KIAA1217: variants seen among roughly 807,000 people sequenced by gnomAD.
KIAA1217 encodes the protein sickle tail protein homolog.
KIAA1217 carries 88 observed loss-of-function variants against 163.9 expected under a neutral mutation model. The ratio of observed to expected loss-of-function variants is 0.54; its 90% confidence interval spans 0.45 to 0.64. The LOEUF is 0.64. Among genes scored for constraint, KIAA1217 ranks in the 30% least tolerant of loss-of-function variants. KIAA1217 has a pLI of 0.00. For missense variants in KIAA1217, 2,372 were observed against 2,475.0 expected (o/e 0.96, Z 0.88); for synonymous variants, 903 against 923.1 (o/e 0.98, Z 0.39).
intron 1 of KIAA1217, among the ~76,000 whole-genome samples, chr10:23,960,241 G>A (rs114731114): frequency 0.014 from 2,152 of 151,310 alleles, 54 homozygotes; most frequent in African/African-American, 0.05. Context: ...TTCCTGCAGG[G>A]GAGAAGGGAA....
At chr10:24,217,692 T>C (rs1264517968) in intron 1 of KIAA1217, among the ~76,000 whole-genome samples, 1 of 152,218 alleles carries the variant, frequency 6.6e-6, no homozygotes, top group Admixed American at 6.5e-5. Flanking sequence ...TTAACACCTG[T>C]TGCTTTGCAA....
intron 2 of KIAA1217, among the ~76,000 whole-genome samples, chr10:24,267,610 G>A (rs1409204688): frequency 6.6e-6 from 1 of 152,166 alleles, no homozygotes; most frequent in Non-Finnish European, 1.5e-5. Flanking sequence ...ACCATGCCTG[G>A]CCCCAAGAAG....
intron 2 of KIAA1217, among the ~76,000 whole-genome samples, chr10:24,233,900 C>A (rs900060691): frequency 6.6e-6 from 1 of 152,138 alleles, no homozygotes; most frequent in African/African-American, 2.4e-5. Context: ...TTTCTCCCTG[C>A]GTTCCTAAGA....
At chr10:23,895,862 A>C (rs1220967469) in intron 1 of KIAA1217, among the ~76,000 whole-genome samples, 1 of 151,682 alleles carries the variant, frequency 6.6e-6, no homozygotes, top group Non-Finnish European at 1.5e-5. Flanking sequence ...TGAAATTGGA[A>C]ATCATCATTC....
At chr10:23,755,018 C>T (rs755429070) in intron 1 of KIAA1217, among the ~76,000 whole-genome samples, 12 of 151,740 alleles carry the variant, frequency 7.9e-5, no homozygotes, top group African/African-American at 1.9e-4. Context: ...AAATACAAAC[C>T]GAATTTCATC....
At chr10:23,798,579 CT>C (rs1836318595) in intron 1 of KIAA1217, among the ~76,000 whole-genome samples, 1 of 152,100 alleles carries the variant, frequency 6.6e-6, no homozygotes, top group Admixed American at 6.6e-5. Flanking sequence ...TTTTGTTTTG[CT>C]GTGAATCAAT....
intron 1 of KIAA1217, among the ~76,000 whole-genome samples, chr10:23,803,495 C>T (rs181140638): frequency 2.0e-5 from 3 of 152,290 alleles, no homozygotes; most frequent in East Asian, 1.9e-4. Flanking sequence ...CTTATGAGAT[C>T]GGCTGAGGTT....
At chr10:24,535,424 T>C (rs1013312975) in intron 16 of KIAA1217, among the ~76,000 whole-genome samples, 12 of 152,174 alleles carry the variant, frequency 7.9e-5, no homozygotes, top group Admixed American at 3.9e-4. Context: ...TATCTCCAAA[T>C]GACAACATTT....
At chr10:24,061,340 G>T (rs560623763) in intron 2 of KIAA1217, among the ~76,000 whole-genome samples, 3 of 151,878 alleles carry the variant, frequency 2.0e-5, no homozygotes, top group African/African-American at 4.8e-5. Context: ...TATTTATATT[G>T]TATATCCATT....
intron 1 of KIAA1217, among the ~76,000 whole-genome samples, chr10:23,770,338 T>C (rs984384467): frequency 6.6e-5 from 10 of 152,238 alleles, no homozygotes; most frequent in African/African-American, 2.4e-4. Context: ...AACTTCATGC[T>C]TGCTATCTCT....
intron 2 of KIAA1217, among the ~76,000 whole-genome samples, chr10:24,061,577 G>A (rs991061969): frequency 2.6e-5 from 4 of 152,094 alleles, no homozygotes; most frequent in East Asian, 1.9e-4. Context: ...GCAGGTAAGC[G>A]GTGATAAACT....
intron 17 of KIAA1217, among the ~76,000 whole-genome samples, chr10:24,541,334 G>A (rs1259115054): frequency 5.9e-5 from 9 of 151,916 alleles, no homozygotes; most frequent in African/African-American, 2.4e-5. Context: ...GCTTCCTGGG[G>A]AGCAAGCAGA....
At chr10:24,331,504 G>A (rs1055199766) in intron 2 of KIAA1217, among the ~76,000 whole-genome samples, 3 of 152,234 alleles carry the variant, frequency 2.0e-5, no homozygotes, top group Non-Finnish European at 4.4e-5. Flanking sequence ...TAGTAATTAT[G>A]ACTTAATGAA....
chr10:23,704,269 C>T (rs1251945376), intron 1 of KIAA1217, among the ~76,000 whole-genome samples: 2 of 129,384 alleles, frequency 1.5e-5, no homozygotes, highest in Non-Finnish European at 3.2e-5. Flanking sequence ...TTTTTCTTTC[C>T]TTTCTTTTTT....
upstream of KIAA1217, among the ~76,000 whole-genome samples, chr10:24,208,374 GGTGTGTGTGT>G (rs10539475): frequency 1.5e-3 from 217 of 148,950 alleles, no homozygotes; most frequent in African/African-American, 5.1e-3. Flanking sequence ...TTAAGGGCTG[GGTGTGTGTGT>G]GTGTGTGTGT....
intron 1 of KIAA1217, among the ~76,000 whole-genome samples, chr10:23,971,617 C>G (rs951014416): frequency 6.6e-6 from 1 of 152,076 alleles, no homozygotes; most frequent in African/African-American, 2.4e-5. Flanking sequence ...CAATTGGATA[C>G]CAACATGACA....
intron 1 of KIAA1217, among the ~76,000 whole-genome samples, chr10:23,842,047 T>C (rs889446895): frequency 3.3e-5 from 5 of 151,964 alleles, no homozygotes; most frequent in Non-Finnish European, 5.9e-5. Context: ...TTTGTATTTT[T>C]AGTAGAGATG....
At chr10:23,946,920 T>A (rs1259809636) in intron 1 of KIAA1217, among the ~76,000 whole-genome samples, 2 of 152,096 alleles carry the variant, frequency 1.3e-5, no homozygotes, top group Non-Finnish European at 2.9e-5. Context: ...AGGGACCCAG[T>A]GGGAGGTAAT....
intron 2 of KIAA1217, among the ~76,000 whole-genome samples, chr10:24,152,615 C>T (rs2064671822): frequency 2.6e-5 from 4 of 152,032 alleles, no homozygotes; most frequent in Admixed American, 2.6e-4. Flanking sequence ...AAATCTCCCT[C>T]TATATCCAGT....
Sources: allele counts gnomAD v4.1 joint callset (sites outside exome capture counted in the v4.1 genomes callset), GRCh38; gene constraint gnomAD v4.1.1; transcripts MANE v1.5; gene names NCBI Gene and HGNC (gene_info 2026-07-23, HGNC 2026-07-21).